The following COL6A5 variants were observed in gnomAD, a reference collection of about 807,000 sequenced individuals.
The protein encoded by COL6A5 is collagen alpha-5(VI) chain.
In COL6A5, 48 loss-of-function variants were observed where a neutral mutation model predicts 65.6. The ratio of observed to expected loss-of-function variants is 0.73; its 90% CI spans 0.58 to 0.93. The LOEUF (loss-of-function observed/expected upper bound fraction) is 0.93. Ranked by LOEUF, COL6A5 falls within the 40% of genes least tolerant of loss-of-function variation. The probability of loss-of-function intolerance (pLI) is 0.00; values close to 1 mark genes in which losing one functional copy is unlikely to be tolerated. For synonymous variants in COL6A5, 291 were observed against 322.8 expected (o/e 0.90, Z 1.05); for missense variants, 914 against 928.3 (o/e 0.98, Z 0.20).
At chr3:130,434,238 T>C (rs1937948720) in intron 1 of COL6A5, among the ~76,000 whole-genome samples, 1 of 152,206 alleles carries the variant, frequency 6.6e-6, no homozygotes, top group Non-Finnish European at 1.5e-5. Context: ...GCTTCCAGCT[T>C]CATCCATGTC....
chr3:130,419,194 A>G (rs1450015020), intron 25 of COL6A5, among the ~76,000 whole-genome samples: 1 of 152,122 alleles, frequency 6.6e-6, no homozygotes, highest in Non-Finnish European at 1.5e-5. Context: ...CAATACCTTA[A>G]CAACCAGCAT....
At chr3:130,377,818 T>G (rs1935841330) in intron 3 of COL6A5, among the ~76,000 whole-genome samples, 1 of 152,214 alleles carries the variant, frequency 6.6e-6, no homozygotes, top group African/African-American at 2.4e-5. Flanking sequence ...CTGTTTACTA[T>G]TATTAATAGT....
chr3:130,379,870 C>A, exon 4 of COL6A5: 1 of 1,551,266 alleles, frequency 6.4e-7, no homozygotes, highest in Non-Finnish European at 8.7e-7. Context: ...CTTGAGCATC[C>A]AAGGGGCTAA....
At chr3:130,370,208 A>G (rs1196334712) in intron 1 of COL6A5, among the ~76,000 whole-genome samples, 1 of 152,180 alleles carries the variant, frequency 6.6e-6, no homozygotes, top group Non-Finnish European at 1.5e-5. Context: ...CTACTATTAT[A>G]TCTTAGGGTC....
intron 3 of COL6A5, among the ~76,000 whole-genome samples, chr3:130,441,986 A>C (rs1372139515): frequency 6.6e-6 from 1 of 152,134 alleles, no homozygotes; most frequent in African/African-American, 2.4e-5. Context: ...TCACCCCACA[A>C]CACCACAGTG....
chr3:130,398,122 G>A lies in COL6A5; in HGVS notation c.3991+11G>A. On this transcript the variant is annotated intron_variant and NMD_transcript_variant, in intron 10 of 41. Transcript: ENST00000312481. ...GGCTCAGAGAAGCAGGTATTGAGTT[G>A]TTGTTGTTTTTTTTTTTTTTTTTTT... 8.6e-7 allele frequency: 1 copy of A among 1,161,760 alleles called. No individual in the cohort carries two copies. Among genetic ancestry groups the A allele is most frequent in the Non-Finnish European group, 1.2e-6 (1 of 839,794 alleles). 72.0% of individuals were successfully genotyped at this position (1,161,760 alleles called of 1,614,324 possible).
At chr3:130,481,026 G>A (rs2935465) in intron 7 of COL6A5, among the ~76,000 whole-genome samples, 143,357 of 152,044 alleles carry the variant, frequency 0.94, 67,860 homozygotes, top group Non-Finnish European at 0.99. Context: ...GAGGCAAGAG[G>A]GTTAGGCTTT....
chr3:130,482,435 T>C (rs902160967), intron 7 of COL6A5, among the ~76,000 whole-genome samples: 2 of 152,202 alleles, frequency 1.3e-5, no homozygotes, highest in Non-Finnish European at 2.9e-5. Flanking sequence ...CCATGCTGTT[T>C]TGGTTACTGT....
chr3:130,444,380 A>C (rs1194183605), intron 4 of COL6A5, among the ~76,000 whole-genome samples: 1 of 152,168 alleles, frequency 6.6e-6, no homozygotes, highest in Non-Finnish European at 1.5e-5. Flanking sequence ...GGGAAGTGAG[A>C]AGTGTCCATG....
intron 7 of COL6A5, among the ~76,000 whole-genome samples, chr3:130,473,583 C>CTGAGTTA (rs1710014042): frequency 6.6e-6 from 1 of 152,030 alleles, no homozygotes; most frequent in East Asian, 1.9e-4. Context: ...ACTCAGTATA[C>CTGAGTTA]CACTGGAGGC....
intron 5 of COL6A5, among the ~76,000 whole-genome samples, chr3:130,458,776 A>C (rs1028330435): frequency 1.3e-5 from 2 of 152,120 alleles, no homozygotes; most frequent in African/African-American, 4.8e-5. Flanking sequence ...CACACTTAAG[A>C]TCTAAATATG....
intron 13 of COL6A5, among the ~76,000 whole-genome samples, chr3:130,404,801 G>T (rs529932271): frequency 1.3e-5 from 2 of 152,282 alleles, no homozygotes; most frequent in Non-Finnish European, 2.9e-5. Context: ...TCTCTTACTG[G>T]CAAGGCAAGA....
chr3:130,455,558 G>A, exon 5 of COL6A5: 2 of 1,612,766 alleles, frequency 1.2e-6, no homozygotes, highest in South Asian at 2.2e-5. Flanking sequence ...GGAAGACAAT[G>A]GAAGTGACTA....
At chr3:130,399,572 C>T (rs1050695058) in intron 10 of COL6A5, among the ~76,000 whole-genome samples, 1 of 151,658 alleles carries the variant, frequency 6.6e-6, no homozygotes, top group Non-Finnish European at 1.5e-5. Flanking sequence ...GGGGTTTCAC[C>T]GTGTTAGCCA....
chr3:130,469,249 T>C, exon 6 of COL6A5: 5 of 1,613,204 alleles, frequency 3.1e-6, no homozygotes, highest in Non-Finnish European at 4.2e-6. Flanking sequence ...TAATATCTGC[T>C]GGCGAAACCA....
At chr3:130,381,217 T>C (rs370298304) in intron 4 of COL6A5, among the ~76,000 whole-genome samples, 5 of 152,124 alleles carry the variant, frequency 3.3e-5, no homozygotes, top group East Asian at 1.9e-4. Context: ...GGTGGTTCAA[T>C]TGGTGTAGAA....
At chr3:130,365,568 C>T (rs555376928) in intron 1 of COL6A5, among the ~76,000 whole-genome samples, 13 of 152,278 alleles carry the variant, frequency 8.5e-5, no homozygotes, top group African/African-American at 3.1e-4. Flanking sequence ...TGAGCCACCG[C>T]GCCTGGCCTA....
chr3:130,405,945 C>G, intron 14 of COL6A5, 48 bp from the exon 15 acceptor site: 1 of 1,535,652 alleles, frequency 6.5e-7, no homozygotes, highest in Non-Finnish European at 8.8e-7. Flanking sequence ...TCTTTGAATC[C>G]ACACTCTGTC....
intron 8 of COL6A5, among the ~76,000 whole-genome samples, chr3:130,397,082 T>C (rs997107066): frequency 2.0e-5 from 3 of 152,160 alleles, no homozygotes; most frequent in Non-Finnish European, 4.4e-5. Context: ...TTAGCCAGGA[T>C]GGTCTCGATC....
Sources: allele counts gnomAD v4.1 joint callset (sites outside exome capture counted in the v4.1 genomes callset), GRCh38; gene constraint gnomAD v4.1.1; transcripts MANE v1.5; gene names NCBI Gene and HGNC (gene_info 2026-07-23, HGNC 2026-07-21).